ITFG1: variants seen among roughly 807,000 people sequenced by gnomAD.
The protein encoded by ITFG1 is T-cell immunomodulatory protein.
ITFG1 carries 34 observed loss-of-function variants against 81.8 expected under a neutral mutation model. That is an observed-to-expected ratio of 0.42 (90% CI 0.32 to 0.55). The LOEUF is 0.55. ITFG1 is among the 20% of genes least tolerant of loss of function. The pLI is 0.17. For missense variants in ITFG1, 672 were observed against 755.4 expected, an observed-to-expected ratio of 0.89 and a Z score of 1.29; for synonymous variants, 285 against 270.6, an observed-to-expected ratio of 1.05 and a Z score of -0.52.
chr16:47,376,278 T>A (rs979011228), intron 6 of ITFG1, among the ~76,000 whole-genome samples: 2 of 152,146 alleles, frequency 1.3e-5, no homozygotes, highest in Non-Finnish European at 2.9e-5. Flanking sequence ...CTGATCGCAA[T>A]CACATTTGCT....
At chr16:47,185,075 C>A (rs936290616) in intron 14 of ITFG1, among the ~76,000 whole-genome samples, 3 of 151,596 alleles carry the variant, frequency 2.0e-5, no homozygotes, top group Non-Finnish European at 4.4e-5. Flanking sequence ...ACAAGAAGAG[C>A]TAACTATCCT....
intron 6 of ITFG1, among the ~76,000 whole-genome samples, chr16:47,415,953 G>C (rs944937626): frequency 6.6e-6 from 1 of 152,052 alleles, no homozygotes; most frequent in African/African-American, 2.4e-5. Context: ...AATTAGCTGG[G>C]CATGGTGGTG....
intron 6 of ITFG1, among the ~76,000 whole-genome samples, chr16:47,399,560 G>A (rs566337365): frequency 1.3e-5 from 2 of 149,974 alleles, no homozygotes; most frequent in South Asian, 2.1e-4. Context: ...GCAAGAGAGC[G>A]AGACTCCGTC....
intron 5 of ITFG1, among the ~76,000 whole-genome samples, chr16:47,435,729 C>T (rs1969157755): frequency 6.6e-6 from 1 of 152,108 alleles, no homozygotes; most frequent in Non-Finnish European, 1.5e-5. Flanking sequence ...CTCCAGGCTG[C>T]CTAGTTCTTT....
chr16:47,411,606 A>G (rs1323694415), intron 6 of ITFG1, among the ~76,000 whole-genome samples: 1 of 152,134 alleles, frequency 6.6e-6, no homozygotes, highest in African/African-American at 2.4e-5. Context: ...TGCCAAGCAA[A>G]GATGGACGAC....
At chr16:47,365,221 G>T (rs1968160870) in intron 8 of ITFG1, among the ~76,000 whole-genome samples, 1 of 152,154 alleles carries the variant, frequency 6.6e-6, no homozygotes, top group Non-Finnish European at 1.5e-5. Flanking sequence ...AGGTGGGGCA[G>T]ACCACTTTCC....
chr16:47,443,829 A>G (rs1969287831), intron 5 of ITFG1, among the ~76,000 whole-genome samples: 4 of 152,186 alleles, frequency 2.6e-5, no homozygotes, highest in Admixed American at 2.6e-4. Flanking sequence ...GCACACCAAC[A>G]TGGCACATGT....
chr16:47,275,973 G>T (rs1326589910), intron 10 of ITFG1, among the ~76,000 whole-genome samples: 1 of 151,880 alleles, frequency 6.6e-6, no homozygotes, highest in African/African-American at 2.4e-5. Flanking sequence ...AAACTCTTCT[G>T]AATAAAAAGA....
intron 6 of ITFG1, among the ~76,000 whole-genome samples, chr16:47,390,194 AGGTGGTAATCACTGAG>A (rs1968512847): frequency 6.6e-6 from 1 of 152,238 alleles, no homozygotes; most frequent in African/African-American, 2.4e-5. Flanking sequence ...ACTTAGATAA[AGGTGGTAATCACTGAG>A]GATCAGGACT....
At chr16:47,367,692 G>C (rs1968194942) in intron 7 of ITFG1, among the ~76,000 whole-genome samples, 1 of 152,180 alleles carries the variant, frequency 6.6e-6, no homozygotes, top group Non-Finnish European at 1.5e-5. Context: ...AAGGAAATAA[G>C]ATTTTTCATG....
intron 10 of ITFG1, among the ~76,000 whole-genome samples, chr16:47,305,984 G>A (rs756114962): frequency 6.6e-6 from 1 of 152,138 alleles, no homozygotes; most frequent in Non-Finnish European, 1.5e-5. Flanking sequence ...GCAACAAAAC[G>A]TGAAAATCAT....
rs545097255 is a variant in ITFG1 at position 47,315,682 on chromosome 16, T to C, written c.803-1859A>G. On this transcript the variant is annotated intron_variant, in intron 8 of 17. Coordinates refer to ENST00000320640, the MANE Select transcript of ITFG1 (RefSeq NM_030790.5). Reference sequence around the variant, plus strand: ...GAAACAGCATAATCATGCACTTTAGTATAAATTATCAGTAATATTTTATAG... The same window carrying C: ...GAAACAGCATAATCATGCACTTTAGCATAAATTATCAGTAATATTTTATAG... Among the ~76,000 whole-genome samples, 3 of 152,108 alleles carry C rather than the reference T, an allele frequency of 2.0e-5. No homozygotes were observed. The South Asian group carries it at 6.2e-4, about 32-fold the overall frequency.
chr16:47,434,104 T>C (rs935236365), intron 5 of ITFG1, among the ~76,000 whole-genome samples: 5 of 150,866 alleles, frequency 3.3e-5, no homozygotes, highest in African/African-American at 7.3e-5. Flanking sequence ...ACTATAAAAA[T>C]CCTAGAAGAA....
chr16:47,161,588 T>G, intron 16 of ITFG1, 162 bp downstream of exon 16: 1 of 448,606 alleles, frequency 2.2e-6, no homozygotes, highest in Non-Finnish European at 4.1e-6. Flanking sequence ...TGGGACCTTT[T>G]ATGTAAGTAT....
At chr16:47,218,687 A>G in intron 14 of ITFG1, 181 bp downstream of exon 14, 1 of 363,150 alleles carries the variant, frequency 2.8e-6, no homozygotes, top group South Asian at 1.0e-4. Flanking sequence ...TTGAAAGTGA[A>G]CATTTTTTGT....
chr16:47,341,619 T>C (rs1341677589), intron 8 of ITFG1, among the ~76,000 whole-genome samples: 1 of 151,072 alleles, frequency 6.6e-6, no homozygotes, highest in Non-Finnish European at 1.5e-5. Context: ...ACAATAAAAC[T>C]AGAGAAAGAT....
At chr16:47,399,349 A>G (rs1002528647) in intron 6 of ITFG1, among the ~76,000 whole-genome samples, 8 of 152,138 alleles carry the variant, frequency 5.3e-5, no homozygotes, top group Non-Finnish European at 1.0e-4. Context: ...CAAGGCGGGC[A>G]GATCATAAGG....
intron 13 of ITFG1, among the ~76,000 whole-genome samples, chr16:47,233,456 T>C (rs573588358): frequency 6.6e-6 from 1 of 152,344 alleles, no homozygotes; most frequent in South Asian, 2.1e-4. Context: ...ACTTACACTT[T>C]TGTTGAGTTT....
intron 6 of ITFG1, among the ~76,000 whole-genome samples, chr16:47,386,672 A>G (rs1462682209): frequency 6.6e-6 from 1 of 152,200 alleles, no homozygotes; most frequent in Non-Finnish European, 1.5e-5. Context: ...CTACCACTCC[A>G]ATGCAGTGTT....
Sources: allele counts gnomAD v4.1 joint callset (sites outside exome capture counted in the v4.1 genomes callset), GRCh38; gene constraint gnomAD v4.1.1; transcripts MANE v1.5; gene names NCBI Gene and HGNC (gene_info 2026-07-23, HGNC 2026-07-21).